Variants in C12orf50 observed in about 807,000 individuals in gnomAD.
C12orf50 encodes the protein zinc finger CCCH-type containing 11D.
A neutral mutation model predicts 61.6 loss-of-function variants in C12orf50; 35 were observed. That is an observed-to-expected ratio of 0.57 (90% CI 0.43 to 0.75). The LOEUF (loss-of-function observed/expected upper bound fraction) is 0.75, where lower values mean the gene tolerates loss of function less well. C12orf50 is among the 30% of genes least tolerant of loss of function. The pLI is 0.00. For synonymous variants in C12orf50, 178 were observed against 161.5 expected, an observed-to-expected ratio of 1.10 and a Z score of -0.77; for missense variants, 475 against 488.5, an observed-to-expected ratio of 0.97 and a Z score of 0.26.
chr12:87,980,578 A>G (rs1480086355), intron 12 of C12orf50, among the ~76,000 whole-genome samples: 1 of 152,158 alleles, frequency 6.6e-6, no homozygotes, highest in Non-Finnish European at 1.5e-5. Flanking sequence ...AATGGAAGTG[A>G]CACCGTATAT....
chr12:88,007,412 G>A (rs2031925836), intron 3 of C12orf50, among the ~76,000 whole-genome samples: 1 of 152,152 alleles, frequency 6.6e-6, no homozygotes, highest in African/African-American at 2.4e-5. Flanking sequence ...AAAATATCTG[G>A]GTAATTTATA....
At chr12:88,021,783 C>T (rs1246372849) in intron 3 of C12orf50, among the ~76,000 whole-genome samples, 1 of 152,028 alleles carries the variant, frequency 6.6e-6, no homozygotes, top group Non-Finnish European at 1.5e-5. Context: ...CCTCCCAAGA[C>T]TGAACAAGGA....
intron 2 of C12orf50, 133 bp from the exon 3 acceptor site, chr12:88,026,741 G>T: frequency 7.5e-7 from 1 of 1,334,346 alleles, no homozygotes; most frequent in Non-Finnish European, 1.0e-6. Flanking sequence ...GTGTCTTCCA[G>T]CTTTCAGTGT....
At chr12:87,980,997 A>T (rs948059115) in intron 12 of C12orf50, among the ~76,000 whole-genome samples, 1 of 152,190 alleles carries the variant, frequency 6.6e-6, no homozygotes, top group African/African-American at 2.4e-5. Flanking sequence ...TTCTCTTCCT[A>T]TTCTGGTGAT....
chr12:87,992,083 T>C (rs1214847552), intron 7 of C12orf50, among the ~76,000 whole-genome samples: 2 of 152,176 alleles, frequency 1.3e-5, no homozygotes, highest in Non-Finnish European at 2.9e-5. Flanking sequence ...GAAGAAGCTC[T>C]GGCTCTGGGG....
intron 3 of C12orf50, among the ~76,000 whole-genome samples, chr12:87,998,611 C>A (rs961059099): frequency 6.6e-6 from 1 of 152,056 alleles, no homozygotes; most frequent in Non-Finnish European, 1.5e-5. Flanking sequence ...CCGAATTAAT[C>A]TATAGGTATG....
chr12:88,000,621 A>G (rs1293046844), intron 3 of C12orf50, among the ~76,000 whole-genome samples: 2 of 151,966 alleles, frequency 1.3e-5, no homozygotes, highest in Non-Finnish European at 2.9e-5. Context: ...AAACCTGTGG[A>G]TCAATTTGGA....
chr12:87,985,649 C>T lies in C12orf50; in HGVS notation c.1126+201G>A, dbSNP rs545011294. 7 of 616,294 alleles carry T rather than the reference C, an allele frequency of 1.1e-5. No homozygotes were observed. In the South Asian group the frequency reaches 1.4e-4, roughly 13 times the overall value. The allele number at this position is 616,294 out of a possible 1,614,324, so 38.2% of individuals were successfully genotyped here. A position where few individuals can be genotyped will look rare whatever the true frequency, so the allele number is the denominator to read the frequency against. On this transcript the variant is annotated intron_variant, in intron 11 of 12. Coordinates refer to ENST00000298699, the MANE Select transcript of C12orf50 (RefSeq NM_152589.3). The stretch of plus-strand genomic sequence containing the variant: ...GGTGCAATCTGAAGTCATCTGCACA[C>T]AACATGAGTTTTCTTCCATATCCTT...
At chr12:88,018,954 T>C (rs1199594213) in intron 3 of C12orf50, among the ~76,000 whole-genome samples, 1 of 152,232 alleles carries the variant, frequency 6.6e-6, no homozygotes, top group Non-Finnish European at 1.5e-5. Context: ...GGGACTTGCC[T>C]TGTCTCAGAT....
At chr12:87,996,349 T>G (rs1385518618) in intron 6 of C12orf50, 25 bp downstream of exon 6, 2 of 1,463,928 alleles carry the variant, frequency 1.4e-6, no homozygotes, top group African/African-American at 2.8e-5. Flanking sequence ...TAGATCACTA[T>G]GAATGCTGCC....
In C12orf50 at chr12:87,986,427, A is replaced by T. The variant is rs758783232; in HGVS notation, c.818-11T>A. The T allele has an allele frequency of 5.1e-6, 8 of 1,582,828 alleles. No homozygotes were observed. The highest frequency in any genetic ancestry group is 6.9e-6 in the Non-Finnish European group (8 of 1,165,674). On this transcript the variant is annotated splice_polypyrimidine_tract_variant and intron_variant, in intron 9 of 12. Coordinates refer to ENST00000298699, the MANE Select transcript of C12orf50 (RefSeq NM_152589.3). ...GCTGGACATCATTCACTTAGAAAAG[A>T]TACAAATTTTACAATTTTTTAAGAG...
chr12:87,986,455 GCTTT>G, intron 9 of C12orf50, 39 bp from the exon 10 acceptor site: 9 of 1,419,920 alleles, frequency 6.3e-6, no homozygotes, highest in South Asian at 1.2e-5. Flanking sequence ...TTTAAGAGAT[GCTTT>G]CATCTCTGAA....
chr12:88,006,197 T>C (rs1193846316), intron 3 of C12orf50, among the ~76,000 whole-genome samples: 1 of 152,144 alleles, frequency 6.6e-6, no homozygotes, highest in Admixed American at 6.5e-5. Flanking sequence ...ATTACAGGCG[T>C]GAGCCACCGC....
intron 3 of C12orf50, among the ~76,000 whole-genome samples, chr12:88,006,257 T>C (rs1050742144): frequency 3.9e-5 from 6 of 152,170 alleles, no homozygotes; most frequent in Admixed American, 6.5e-5. Flanking sequence ...GGGTTGTCTT[T>C]GGTAAACTTC....
intron 3 of C12orf50, among the ~76,000 whole-genome samples, chr12:88,006,770 C>A (rs963550597): frequency 1.3e-5 from 2 of 152,058 alleles, no homozygotes; most frequent in African/African-American, 4.8e-5. Flanking sequence ...GCAGCTTTCT[C>A]CCCCCAGAAA....
At chr12:88,030,019 C>G (rs535066610), upstream of C12orf50, among the ~76,000 whole-genome samples, 1 of 152,264 alleles carries the variant, frequency 6.6e-6, no homozygotes, top group South Asian at 2.1e-4. Flanking sequence ...ACATTTCAAT[C>G]AGCAGTTATT....
In C12orf50 at chr12:87,980,120, G is replaced by C. The variant is rs1049946567; in HGVS notation, c.*211C>G. 2 of 551,202 alleles carry C rather than the reference G, an allele frequency of 3.6e-6. No homozygotes were observed. The highest frequency in any genetic ancestry group is 3.8e-5 in the African/African-American group (2 of 52,306). The allele number at this position is 551,202 out of a possible 1,614,324, so 34.1% of individuals were successfully genotyped here. On this transcript the variant is annotated 3_prime_UTR_variant, in exon 13 of 13. Coordinates refer to ENST00000298699, the MANE Select transcript of C12orf50 (RefSeq NM_152589.3). ...CCAGACCTACATAAATACACTGGCA[G>C]CTGTTGGTAATTTGCATTTTTATCA...
intron 12 of C12orf50, 145 bp from the exon 13 acceptor site, chr12:87,980,501 CCATT>C (rs1205201707): frequency 1.4e-6 from 1 of 714,060 alleles, no homozygotes; most frequent in East Asian, 2.7e-5. Context: ...TTTCAAAATG[CCATT>C]CAAATAGTCC....
intron 3 of C12orf50, among the ~76,000 whole-genome samples, chr12:88,008,068 T>TA (rs910843888): frequency 1.3e-5 from 2 of 151,770 alleles, no homozygotes; most frequent in Non-Finnish European, 2.9e-5. Flanking sequence ...CTTTTTTTTT[T>TA]ATCTTTTCTT....
Sources: gnomAD v4.1 joint callset for allele counts (sites outside exome capture counted in the v4.1 genomes callset) on GRCh38, gnomAD v4.1.1 for gene constraint, MANE v1.5 for transcripts, NCBI Gene and HGNC (gene_info 2026-07-23, HGNC 2026-07-21) for gene names.